The following CD28 variants were observed in gnomAD, a reference collection of about 807,000 sequenced individuals.
CD28 encodes the protein T-cell-specific surface glycoprotein CD28.
Under a neutral mutation model 21.4 loss-of-function variants are expected in CD28, and 8 were observed. The ratio of observed to expected loss-of-function variants is 0.37; its 90% CI spans 0.22 to 0.68. The LOEUF is 0.68. Among genes scored for constraint, CD28 ranks in the 30% least tolerant of loss-of-function variants. The probability of loss-of-function intolerance (pLI) is 0.55; values close to 1 mark genes in which losing one functional copy is unlikely to be tolerated. For missense variants in CD28, 239 were observed against 272.2 expected (o/e 0.88, Z 0.86); for synonymous variants, 106 against 104.0 (o/e 1.02, Z -0.12).
chr2:203,717,043 C>T (rs1156746187), intron 1 of CD28, among the ~76,000 whole-genome samples: 4 of 152,064 alleles, frequency 2.6e-5, no homozygotes, highest in African/African-American at 7.2e-5. Context: ...AATGGGGTCT[C>T]GCCATGTTGC....
chr2:203,727,862 G>A (rs1413350129), intron 2 of CD28, among the ~76,000 whole-genome samples: 2 of 152,196 alleles, frequency 1.3e-5, no homozygotes, highest in African/African-American at 4.8e-5. Flanking sequence ...TGTATTTTTA[G>A]TAGACAGGGT....
intron 1 of CD28, among the ~76,000 whole-genome samples, chr2:203,723,094 T>C (rs1693646739): frequency 6.6e-6 from 1 of 152,198 alleles, no homozygotes; most frequent in African/African-American, 2.4e-5. Flanking sequence ...TGATTCTAAA[T>C]ATGTTGTCAG....
At chr2:203,717,553 T>A (rs981033025) in intron 1 of CD28, among the ~76,000 whole-genome samples, 3 of 152,216 alleles carry the variant, frequency 2.0e-5, no homozygotes, top group African/African-American at 7.2e-5. Context: ...ACCTTCCTAC[T>A]CTTGCCCAAT....
In CD28 at chr2:203,734,876, T is replaced by C; in HGVS notation, c.627T>C (p.Tyr209=). ...CCACCCGCAAGCATTACCAGCCCTA[T>C]GCCCCACCACGCGACTTCGCAGCCT... ...PGPTRKHYQP[Y]APPRDFAAYR... Residue 209 remains tyrosine (Y), a synonymous_variant, in exon 4 of 4, where the codon TAT becomes TAC. Transcript: ENST00000324106. 4 of 1,614,206 alleles carry C rather than the reference T, an allele frequency of 2.5e-6. No homozygotes were observed. The highest frequency in any genetic ancestry group is 3.4e-6 in the Non-Finnish European group (4 of 1,180,040).
intron 2 of CD28, among the ~76,000 whole-genome samples, chr2:203,728,487 A>C (rs1365813115): frequency 1.3e-5 from 2 of 152,238 alleles, no homozygotes; most frequent in Non-Finnish European, 2.9e-5. Flanking sequence ...CATAATGCCA[A>C]TGAATGGTTT....
intron 1 of CD28, among the ~76,000 whole-genome samples, chr2:203,707,356 A>G (rs908073145): frequency 6.6e-6 from 1 of 152,124 alleles, no homozygotes; most frequent in Non-Finnish European, 1.5e-5. Context: ...GAATAATAAT[A>G]AACCTCACCT....
In CD28 at chr2:203,737,874, G is replaced by T. The variant is rs201226870; in HGVS notation, c.*2962G>T. On this transcript the variant is annotated 3_prime_UTR_variant, in exon 4 of 4. Coordinates refer to ENST00000324106, the MANE Select transcript of CD28 (RefSeq NM_006139.4). ...ATTTGTACTTTAATATTGTCTTTTGGTATTAAGAAAGATATGCTTTCAGAA... is the reference window on the plus strand; with the variant it reads ...ATTTGTACTTTAATATTGTCTTTTGTTATTAAGAAAGATATGCTTTCAGAA... 6.6e-6 allele frequency: 1 copy of T among 152,556 alleles called. No homozygotes were observed. The highest frequency in any genetic ancestry group is 2.1e-4 in the South Asian group (1 of 4,816). The allele number at this position is 152,556 out of a possible 1,614,324, so 9.5% of individuals were successfully genotyped here.
chr2:203,717,933 C>A (rs1693504146), intron 1 of CD28, among the ~76,000 whole-genome samples: 1 of 152,136 alleles, frequency 6.6e-6, no homozygotes, highest in South Asian at 2.1e-4. Context: ...GAAATGACCA[C>A]AGAATTATTT....
intron 1 of CD28, among the ~76,000 whole-genome samples, chr2:203,708,439 G>A (rs967283144): frequency 6.6e-6 from 1 of 152,136 alleles, no homozygotes; most frequent in Admixed American, 6.5e-5. Flanking sequence ...GACAGTCAAG[G>A]GAAGCCTACC....
Position 203,736,095 on chromosome 2 carries a change from A to G in CD28, c.*1183A>G, listed in dbSNP as rs1014437260. Reference sequence around the variant, plus strand: ...ATTATTTGTCTAACAGTTCATTCCAATCAGACCAGGTAGGAGCTTTCCTGT... The same window carrying G: ...ATTATTTGTCTAACAGTTCATTCCAGTCAGACCAGGTAGGAGCTTTCCTGT... On this transcript the variant is annotated 3_prime_UTR_variant, in exon 4 of 4. Coordinates refer to ENST00000324106, the MANE Select transcript of CD28 (RefSeq NM_006139.4). 6.5e-6 allele frequency: 1 copy of G among 152,684 alleles called. No homozygotes were observed. The highest frequency in any genetic ancestry group is 1.9e-4 in the East Asian group (1 of 5,200). The allele number at this position is 152,684 out of a possible 1,614,324, so 9.5% of individuals were successfully genotyped here.
chr2:203,717,368 A>T (rs1422842431), intron 1 of CD28, among the ~76,000 whole-genome samples: 1 of 152,160 alleles, frequency 6.6e-6, no homozygotes, highest in Non-Finnish European at 1.5e-5. Flanking sequence ...TGCTTCTGTC[A>T]TGGTGGCCTC....
intron 3 of CD28, among the ~76,000 whole-genome samples, chr2:203,733,865 A>G (rs1693959701): frequency 6.6e-6 from 1 of 152,224 alleles, no homozygotes; most frequent in South Asian, 2.1e-4. Context: ...CCCCTTTGAC[A>G]AGGAAGGTGT....
At chr2:203,732,525 T>A (rs1283752515) in intron 3 of CD28, among the ~76,000 whole-genome samples, 6 of 152,208 alleles carry the variant, frequency 3.9e-5, no homozygotes, top group African/African-American at 1.4e-4. Flanking sequence ...ATCCAGTAGA[T>A]TCTTGAAGAC....
At chr2:203,708,926 T>G (rs1393277277) in intron 1 of CD28, among the ~76,000 whole-genome samples, 1 of 151,960 alleles carries the variant, frequency 6.6e-6, no homozygotes, top group Non-Finnish European at 1.5e-5. Flanking sequence ...TGGAGACCCG[T>G]CGGGCTAACA....
chr2:203,715,639 T>A (rs967349653), intron 1 of CD28, among the ~76,000 whole-genome samples: 1 of 152,184 alleles, frequency 6.6e-6, no homozygotes, highest in African/African-American at 2.4e-5. Context: ...CTAATACATA[T>A]GAACTTCCTA....
intron 1 of CD28, 72 bp downstream of exon 1, chr2:203,706,820 A>G (rs1339624412): frequency 1.0e-5 from 12 of 1,155,762 alleles, no homozygotes; most frequent in Admixed American, 1.8e-5. Context: ...TTTATTTTAA[A>G]TTTCTAACAA....
chr2:203,709,013 T>C (rs542304583), intron 1 of CD28, among the ~76,000 whole-genome samples: 45 of 152,188 alleles, frequency 3.0e-4, no homozygotes, highest in African/African-American at 1.1e-3. Flanking sequence ...TCCCAGCTAC[T>C]TGTGAGGCTT....
At chr2:203,710,167 T>C (rs1181389) in intron 1 of CD28, among the ~76,000 whole-genome samples, 21,581 of 152,234 alleles carry the variant, frequency 0.14, 1,807 homozygotes, top group Non-Finnish European at 0.19. Flanking sequence ...CGTATTTACA[T>C]GACTTCCAAT....
chr2:203,710,885 G>T (rs965489051), intron 1 of CD28, among the ~76,000 whole-genome samples: 1 of 152,116 alleles, frequency 6.6e-6, no homozygotes, highest in African/African-American at 2.4e-5. Flanking sequence ...TCTCATGTTG[G>T]TTAAATTTTT....
Sources: allele counts gnomAD v4.1 joint callset (sites outside exome capture counted in the v4.1 genomes callset), GRCh38; gene constraint gnomAD v4.1.1; transcripts MANE v1.5; gene names NCBI Gene and HGNC (gene_info 2026-07-23, HGNC 2026-07-21).